Variants in CALD1 observed in about 807,000 individuals in gnomAD.
The protein encoded by CALD1 is caldesmon 1.
In CALD1, 33 loss-of-function variants were observed where a neutral mutation model predicts 99.9. The ratio of observed to expected loss-of-function variants is 0.33; its 90% CI spans 0.25 to 0.44. The LOEUF (loss-of-function observed/expected upper bound fraction) is 0.44, where lower values mean the gene tolerates loss of function less well. Among genes scored for constraint, CALD1 ranks in the 20% least tolerant of loss-of-function variants. The probability of loss-of-function intolerance (pLI) is 1.00; values close to 1 mark genes in which losing one functional copy is unlikely to be tolerated. For missense variants in CALD1, 861 were observed against 962.1 expected (o/e 0.89, Z 1.39); for synonymous variants, 310 against 325.0 (o/e 0.95, Z 0.50).
intron 1 of CALD1, among the ~76,000 whole-genome samples, chr7:134,813,997 T>G (rs1372323509): frequency 6.6e-6 from 1 of 152,090 alleles, no homozygotes; most frequent in Non-Finnish European, 1.5e-5. Context: ...ACATGAATGT[T>G]GAAATCGCTG....
chr7:134,758,807 C>G (rs1796752312), intron 1 of CALD1, among the ~76,000 whole-genome samples: 1 of 152,180 alleles, frequency 6.6e-6, no homozygotes, highest in Non-Finnish European at 1.5e-5. Context: ...GCTTGACAGT[C>G]TCTTCCTGGG....
At position 134,867,753 on chromosome 7, in the gene CALD1, G is replaced by A. The variant is rs142583902; in HGVS notation, c.20G>A (p.Arg7His). 11 of 1,609,180 alleles carry A rather than the reference G, an allele frequency of 6.8e-6. No homozygotes were observed. The highest frequency in any genetic ancestry group is 1.6e-4 in the Middle Eastern group (1 of 6,078). Reference protein sequence around the residue: MDDFERRRELRRQKREE... With the variant: MDDFERHRELRRQKREE... The stretch of plus-strand genomic sequence containing the variant: ...CACACCATGGATGATTTTGAGCGTC[G>A]CAGAGAACTTAGAAGGCAAAAGAGG... The change falls in exon 3 of 15, where the codon CGC (arginine) becomes CAC (histidine). Residue 7 changes from arginine to histidine, a missense_variant. Physicochemically the swap from Arg to His is conservative, Grantham distance 29. Coordinates refer to ENST00000361675, the MANE Select transcript of CALD1 (RefSeq NM_033138.4).
At chr7:134,743,128 A>T (rs769358436), upstream of CALD1, among the ~76,000 whole-genome samples, 1 of 152,190 alleles carries the variant, frequency 6.6e-6, no homozygotes, top group Non-Finnish European at 1.5e-5. Flanking sequence ...AGCTAGTGGG[A>T]GGGGAAGATG....
intron 13 of CALD1, among the ~76,000 whole-genome samples, chr7:134,963,241 C>T (rs921350835): frequency 5.9e-5 from 9 of 152,188 alleles, no homozygotes; most frequent in Non-Finnish European, 7.3e-5. Flanking sequence ...CTTCCACCTA[C>T]GCTGGCAAAT....
chr7:134,943,501 T>C (rs1806618723), intron 7 of CALD1, among the ~76,000 whole-genome samples: 1 of 152,200 alleles, frequency 6.6e-6, no homozygotes, highest in South Asian at 2.1e-4. Flanking sequence ...CTCTAAAACA[T>C]GACATAAAAA....
At chr7:134,777,206 A>G (rs1796925192), upstream of CALD1, among the ~76,000 whole-genome samples, 1 of 152,160 alleles carries the variant, frequency 6.6e-6, no homozygotes, top group Non-Finnish European at 1.5e-5. Context: ...AAGTAAAAGG[A>G]CAAAGAAAGA....
chr7:134,747,437 G>C (rs557554888), intron 1 of CALD1, among the ~76,000 whole-genome samples: 1 of 152,218 alleles, frequency 6.6e-6, no homozygotes, highest in African/African-American at 2.4e-5. Context: ...AGTAAGATTC[G>C]TGATGCCAAG....
chr7:134,945,083 A>G (rs1341068638), intron 7 of CALD1, among the ~76,000 whole-genome samples: 1 of 152,164 alleles, frequency 6.6e-6, no homozygotes, highest in Non-Finnish European at 1.5e-5. Context: ...TACCATAAGG[A>G]CTCTTGGGAT....
intron 3 of CALD1, among the ~76,000 whole-genome samples, chr7:134,921,392 C>T (rs1804610567): frequency 6.6e-6 from 1 of 152,184 alleles, no homozygotes; most frequent in African/African-American, 2.4e-5. Context: ...ATGTTAGAAA[C>T]CATTGCAATA....
intron 1 of CALD1, among the ~76,000 whole-genome samples, chr7:134,772,552 C>T (rs1796885642): frequency 6.6e-6 from 1 of 152,170 alleles, no homozygotes; most frequent in Non-Finnish European, 1.5e-5. Flanking sequence ...CATGGTCTTG[C>T]CTGCTATCCT....
At chr7:134,826,140 T>A (rs973532542) in intron 1 of CALD1, among the ~76,000 whole-genome samples, 13 of 152,302 alleles carry the variant, frequency 8.5e-5, no homozygotes, top group Non-Finnish European at 1.6e-4. Context: ...CTAGCATTTT[T>A]AAATTCTCTA....
the CALD1 span, among the ~76,000 whole-genome samples, chr7:134,722,873 T>C: frequency 6.6e-6 from 1 of 152,284 alleles, no homozygotes; most frequent in East Asian, 1.9e-4. Context: ...CAGCTTTTCT[T>C]TGAATTTAGG....
At chr7:134,928,384 G>A (rs1420124019) in intron 3 of CALD1, among the ~76,000 whole-genome samples, 1 of 125,506 alleles carries the variant, frequency 8.0e-6, no homozygotes, top group Non-Finnish European at 1.6e-5. Context: ...AGCCGAGATT[G>A]TGCTGCTGCA....
At chr7:134,908,827 A>G (rs1363591775) in intron 3 of CALD1, among the ~76,000 whole-genome samples, 1 of 152,176 alleles carries the variant, frequency 6.6e-6, no homozygotes, top group African/African-American at 2.4e-5. Flanking sequence ...ATATATATAT[A>G]TATATGAAAC....
At chr7:134,891,710 CTT>C (rs762081711) in intron 3 of CALD1, 396 of 967,476 alleles carry the variant, frequency 4.1e-4, no homozygotes, top group South Asian at 4.9e-4. Flanking sequence ...TTTTTCCTTT[CTT>C]TTTTTTTTTT....
the CALD1 span, among the ~76,000 whole-genome samples, chr7:134,733,685 TGTAGTCCCAGCTACTG>T: frequency 6.6e-6 from 1 of 151,984 alleles, no homozygotes; most frequent in Admixed American, 6.5e-5. Flanking sequence ...GGTGGGCACC[TGTAGTCCCAGCTACTG>T]GGGAGGCTGA....
intron 14 of CALD1, 138 bp from the exon 15 acceptor site, chr7:134,968,202 C>T: frequency 1.4e-6 from 1 of 739,392 alleles, no homozygotes; most frequent in South Asian, 1.5e-5. Context: ...CGATAATAAT[C>T]CTCCCTTTCA....
chr7:134,769,228 A>T (rs1218039874), intron 1 of CALD1, among the ~76,000 whole-genome samples: 3 of 152,140 alleles, frequency 2.0e-5, no homozygotes, highest in Non-Finnish European at 4.4e-5. Context: ...TTCCTTTGAC[A>T]TGTCTCTTGG....
At chr7:134,942,777 T>A (rs559112812) in intron 7 of CALD1, among the ~76,000 whole-genome samples, 1 of 152,366 alleles carries the variant, frequency 6.6e-6, no homozygotes, top group Admixed American at 6.5e-5. Flanking sequence ...ATAAGTTTTT[T>A]GTTAAGAGAA....
Sources: allele counts gnomAD v4.1 joint callset (sites outside exome capture counted in the v4.1 genomes callset), GRCh38; gene constraint gnomAD v4.1.1; transcripts MANE v1.5; gene names NCBI Gene and HGNC (gene_info 2026-07-23, HGNC 2026-07-21).